Variants in SMIM27 observed in about 807,000 individuals in gnomAD.
SMIM27 encodes transition zone microprotein 1.
SMIM27 carries 3 observed loss-of-function variants against 1.8 expected under a neutral mutation model. The observed-to-expected ratio is 1.65, with a 90% CI of 0.75 to 4.28. The LOEUF is 4.28. Ranked by LOEUF, SMIM27 falls within the 30% of genes most tolerant of loss-of-function variation. SMIM27 has a pLI of 0.02. For missense variants in SMIM27, 63 were observed against 37.0 expected, an observed-to-expected ratio of 1.70 and a Z score of -1.83; for synonymous variants, 19 against 13.9, an observed-to-expected ratio of 1.37 and a Z score of -0.82.
At chr9:32,566,249 A>C in intron 1 of SMIM27, 2 of 1,023,224 alleles carry the variant, frequency 2.0e-6, no homozygotes, top group Non-Finnish European at 1.6e-6. Flanking sequence ...TTCTTATGGC[A>C]GACAACACTA....
At chr9:32,553,894 A>G (rs1563989918), downstream of SMIM27, 11 of 1,595,634 alleles carry the variant, frequency 6.9e-6, no homozygotes, top group Non-Finnish European at 9.4e-6. Context: ...GTTGATCAGG[A>G]AATTCTTTCA....
downstream of SMIM27, chr9:32,553,844 G>T (rs1440096576): frequency 1.4e-6 from 2 of 1,389,906 alleles, no homozygotes; most frequent in Non-Finnish European, 2.0e-6. Context: ...ACAAACTTAG[G>T]CTCATAAGCC....
At chr9:32,563,553 G>A (rs1273293051) in intron 1 of SMIM27, among the ~76,000 whole-genome samples, 1 of 137,930 alleles carries the variant, frequency 7.3e-6, no homozygotes, top group Non-Finnish European at 1.5e-5. Flanking sequence ...CAAACTCTTG[G>A]CCTCAAGCAG....
chr9:32,555,896 G>T (rs904945096), downstream of SMIM27, among the ~76,000 whole-genome samples: 5 of 152,228 alleles, frequency 3.3e-5, no homozygotes, highest in African/African-American at 1.2e-4. Flanking sequence ...ACACGGGTTA[G>T]GAGTGAGATT....
intron 1 of SMIM27, among the ~76,000 whole-genome samples, chr9:32,558,379 G>A (rs1403282571): frequency 2.0e-5 from 3 of 152,140 alleles, no homozygotes; most frequent in Non-Finnish European, 4.4e-5. Context: ...CCAAAGTGCT[G>A]GGATTACAGG....
rs1435612212 is a variant in SMIM27 at position 32,552,907 on chromosome 9, C to A, written c.152C>A (p.Thr51Lys). The A allele has an allele frequency of 1.4e-6, 1 of 701,834 alleles. No homozygotes were observed. The highest frequency in any genetic ancestry group is 2.6e-6 in the Non-Finnish European group (1 of 384,652). 43.5% of individuals were successfully genotyped at this position (701,834 alleles called of 1,614,324 possible). A position where few individuals can be genotyped will look rare whatever the true frequency, so the allele number is the denominator to read the frequency against. ...AAATACCCAGACAAAATCTTTGGGA[C>A]GAATGAAAATTTGTAACTCTTCTGG... ...RKKYPDKIFGTNENL is the reference protein window; with the variant it reads ...RKKYPDKIFGKNENL Residue 51 changes from threonine to lysine, a missense_variant, in exon 2 of 2, where the codon ACG becomes AAG. Coordinates refer to ENST00000692500, the MANE Select transcript of SMIM27 (RefSeq NM_001387564.1).
chr9:32,559,399 A>G (rs1159146180), intron 1 of SMIM27, among the ~76,000 whole-genome samples: 1 of 152,212 alleles, frequency 6.6e-6, no homozygotes, highest in East Asian at 1.9e-4. Context: ...TCCTATGCAA[A>G]TGAAAAGTCT....
chr9:32,554,106 CA>C (rs1821386135), downstream of SMIM27, among the ~76,000 whole-genome samples: 1 of 152,104 alleles, frequency 6.6e-6, no homozygotes, highest in Non-Finnish European at 1.5e-5. Context: ...TAAATCTGAA[CA>C]ATCAGTATTC....
intron 1 of SMIM27, among the ~76,000 whole-genome samples, chr9:32,558,490 G>T (rs902095014): frequency 6.6e-6 from 1 of 152,154 alleles, no homozygotes; most frequent in African/African-American, 2.4e-5. Flanking sequence ...TTGAAAATGA[G>T]GTACAAAGCC....
chr9:32,555,826 G>A (rs1297279775), downstream of SMIM27, among the ~76,000 whole-genome samples: 1 of 152,210 alleles, frequency 6.6e-6, no homozygotes, highest in Non-Finnish European at 1.5e-5. Context: ...CAGGAAGAAC[G>A]ATGGATAAAG....
At chr9:32,555,080 C>CT (rs1256855439), downstream of SMIM27, among the ~76,000 whole-genome samples, 5 of 149,496 alleles carry the variant, frequency 3.3e-5, no homozygotes, top group African/African-American at 4.9e-5. Flanking sequence ...ACGCTAGAGA[C>CT]TTTCTGTTCC....
At chr9:32,556,711 A>G (rs1821464882), downstream of SMIM27, among the ~76,000 whole-genome samples, 1 of 152,220 alleles carries the variant, frequency 6.6e-6, no homozygotes, top group Non-Finnish European at 1.5e-5. Context: ...TAACATTTAA[A>G]TGGAATAAAT....
chr9:32,566,108 G>A (rs750883523), intron 1 of SMIM27: 6 of 490,906 alleles, frequency 1.2e-5, no homozygotes, highest in South Asian at 9.9e-5. Flanking sequence ...TTATGCCCAC[G>A]ACAGGCCTCG....
upstream of SMIM27, chr9:32,551,206 G>T: frequency 1.6e-6 from 1 of 607,230 alleles, no homozygotes; most frequent in Middle Eastern, 4.4e-4. Context: ...CTGGTACTCA[G>T]CCACTGGGGA....
intron 1 of SMIM27, among the ~76,000 whole-genome samples, chr9:32,564,227 T>C (rs1821711634): frequency 6.6e-6 from 1 of 152,216 alleles, no homozygotes; most frequent in South Asian, 2.1e-4. Flanking sequence ...TACCTCCAAT[T>C]CCATTCTACC....
chr9:32,563,967 T>A (rs1341730975), intron 1 of SMIM27, among the ~76,000 whole-genome samples: 1 of 152,194 alleles, frequency 6.6e-6, no homozygotes, highest in Non-Finnish European at 1.5e-5. Context: ...ATCTTATACT[T>A]TCTCTCCTCC....
At chr9:32,560,832 A>T (rs1821604447) in intron 1 of SMIM27, among the ~76,000 whole-genome samples, 2 of 152,226 alleles carry the variant, frequency 1.3e-5, no homozygotes, top group Non-Finnish European at 2.9e-5. Flanking sequence ...ATAGTTTAAT[A>T]GAATTTTAAA....
At chr9:32,551,842 A>G (rs1167317498), upstream of SMIM27, 3 of 448,062 alleles carry the variant, frequency 6.7e-6, no homozygotes, top group South Asian at 3.1e-5. Context: ...TTAGAGATAT[A>G]CATTACGCTA....
downstream of SMIM27, among the ~76,000 whole-genome samples, chr9:32,556,950 C>G (rs1480807369): frequency 1.4e-5 from 2 of 140,576 alleles, no homozygotes; most frequent in Non-Finnish European, 3.0e-5. Flanking sequence ...CTCCCAGGTT[C>G]AGGCAATTCT....
Sources: allele counts gnomAD v4.1 joint callset (sites outside exome capture counted in the v4.1 genomes callset), GRCh38; gene constraint gnomAD v4.1.1; transcripts MANE v1.5; gene names NCBI Gene and HGNC (gene_info 2026-07-23, HGNC 2026-07-21).